The following TM2D1 variants were observed in gnomAD, a reference collection of about 807,000 sequenced individuals.
TM2D1 encodes TM2 domain-containing protein 1.
A neutral mutation model predicts 28.4 loss-of-function variants in TM2D1; 15 were observed. The observed-to-expected ratio is 0.53, with a 90% confidence interval of 0.35 to 0.81. The LOEUF is 0.81. Ranked by LOEUF, TM2D1 falls within the 40% of genes least tolerant of loss-of-function variation. The probability of loss-of-function intolerance (pLI) is 0.01; values close to 1 mark genes in which losing one functional copy is unlikely to be tolerated. For synonymous variants in TM2D1, 93 were observed against 96.2 expected, an observed-to-expected ratio of 0.97 and a Z score of 0.20; for missense variants, 236 against 254.9, an observed-to-expected ratio of 0.93 and a Z score of 0.50.
intron 2 of TM2D1, among the ~76,000 whole-genome samples, chr1:61,723,350 G>C (rs1213096507): frequency 6.6e-6 from 1 of 152,194 alleles, no homozygotes; most frequent in Admixed American, 6.6e-5. Context: ...TATAAGTGGA[G>C]AGCTAAAGGA....
intron 5 of TM2D1, among the ~76,000 whole-genome samples, chr1:61,685,600 A>C (rs1257059354): frequency 6.6e-6 from 1 of 152,228 alleles, no homozygotes; most frequent in Non-Finnish European, 1.5e-5. Flanking sequence ...ATTCCAGTGA[A>C]CTACACATGT....
intron 2 of TM2D1, among the ~76,000 whole-genome samples, chr1:61,718,727 C>T (rs536437657): frequency 3.9e-5 from 6 of 152,218 alleles, no homozygotes; most frequent in South Asian, 4.1e-4. Context: ...TACTTTACAG[C>T]GTGGAATGTA....
At chr1:61,694,141 T>G (rs1315220679) in intron 5 of TM2D1, 1 of 152,232 alleles carries the variant, frequency 6.6e-6, no homozygotes, top group Admixed American at 6.6e-5. Context: ...AACGCCCTTT[T>G]TTTTTTCTTT....
chr1:61,713,746 T>C (rs1188937692), intron 2 of TM2D1, among the ~76,000 whole-genome samples: 1 of 152,162 alleles, frequency 6.6e-6, no homozygotes, highest in African/African-American at 2.4e-5. Flanking sequence ...AAATCAGGTC[T>C]TAAAGAGACA....
chr1:61,690,110 C>T (rs898586125), intron 5 of TM2D1, among the ~76,000 whole-genome samples: 1 of 152,166 alleles, frequency 6.6e-6, no homozygotes, highest in African/African-American at 2.4e-5. Flanking sequence ...TGTCTTGATA[C>T]TGGACTTCCC....
At chr1:61,713,824 AATGCACTGTTTTTTTGAGATGAC>A (rs1156374623) in intron 2 of TM2D1, among the ~76,000 whole-genome samples, 1 of 152,100 alleles carries the variant, frequency 6.6e-6, no homozygotes, top group East Asian at 1.9e-4. Flanking sequence ...GCCTAACAGA[AATGCACTGTTTTTTTGAGATGAC>A]AGGTTTCTGT....
chr1:61,708,077 G>GT (rs1445697991), intron 3 of TM2D1, among the ~76,000 whole-genome samples: 1 of 152,094 alleles, frequency 6.6e-6, no homozygotes, highest in Non-Finnish European at 1.5e-5. Flanking sequence ...TTAATTTTAA[G>GT]TTTTTTAGAG....
chr1:61,723,662 G>A (rs1215102065), intron 2 of TM2D1, 51 bp downstream of exon 2: 1 of 1,001,216 alleles, frequency 1.0e-6, no homozygotes, highest in East Asian at 2.7e-5. Context: ...ATTGACCTAT[G>A]AAATAATGTT....
intron 4 of TM2D1, among the ~76,000 whole-genome samples, chr1:61,696,639 G>A (rs1484666680): frequency 1.1e-4 from 17 of 152,152 alleles, no homozygotes; most frequent in African/African-American, 4.1e-4. Context: ...TGAAGAATAG[G>A]TAATCACATC....
chr1:61,711,373 A>G (rs1644478210), intron 2 of TM2D1, among the ~76,000 whole-genome samples: 1 of 151,594 alleles, frequency 6.6e-6, no homozygotes, highest in Admixed American at 6.6e-5. Context: ...AGATGTGGAC[A>G]GAAGAGTGAC....
At chr1:61,691,932 A>ATAT (rs1553140879) in intron 5 of TM2D1, among the ~76,000 whole-genome samples, 4 of 76,414 alleles carry the variant, frequency 5.2e-5, no homozygotes, top group African/African-American at 9.5e-5. Context: ...AAAAAAAAAA[A>ATAT]ATATATATAT....
chr1:61,706,774 A>G (rs1019552079), intron 3 of TM2D1, among the ~76,000 whole-genome samples: 5 of 150,588 alleles, frequency 3.3e-5, no homozygotes, highest in Non-Finnish European at 7.4e-5. Flanking sequence ...GGTTGCAGTG[A>G]GCCAAGATCA....
chr1:61,713,944 G>A (rs1327499808), intron 2 of TM2D1, among the ~76,000 whole-genome samples: 1 of 141,894 alleles, frequency 7.0e-6, no homozygotes, highest in Admixed American at 7.1e-5. Context: ...GCCGGACTGC[G>A]GACTGCAGTG....
chr1:61,683,980 G>C (rs1053313353), intron 5 of TM2D1: 3 of 155,648 alleles, frequency 1.9e-5, no homozygotes, highest in Non-Finnish European at 4.2e-5. Flanking sequence ...GATCTGCTTG[G>C]TTTTTATGCG....
chr1:61,705,954 T>C (rs750119357), intron 3 of TM2D1, among the ~76,000 whole-genome samples: 1 of 152,204 alleles, frequency 6.6e-6, no homozygotes, highest in Non-Finnish European at 1.5e-5. Context: ...CTATTATATA[T>C]AGTTTGAAAA....
chr1:61,683,718 A>G, intron 5 of TM2D1, 172 bp from the exon 6 acceptor site: 2 of 410,718 alleles, frequency 4.9e-6, no homozygotes, highest in Non-Finnish European at 8.7e-6. Context: ...AACTACTGGG[A>G]TATACTGGGA....
At chr1:61,700,536 T>C (rs1343351488) in intron 4 of TM2D1, among the ~76,000 whole-genome samples, 1 of 152,146 alleles carries the variant, frequency 6.6e-6, no homozygotes, top group African/African-American at 2.4e-5. Context: ...AAGAAGTGCA[T>C]AGTTTCTAAT....
Position 61,713,444 on chromosome 1 carries a change from A to G in TM2D1, c.239-4007T>C, listed in dbSNP as rs1221979505. Among the ~76,000 whole-genome samples the G allele has an allele frequency of 2.1e-5, 3 of 140,248 alleles. No individual in the cohort carries two copies. The East Asian group carries it at 6.5e-4, about 31-fold the overall frequency. The allele number at this position is 140,248 out of a possible 152,430, so 92.0% of individuals were successfully genotyped here. On this transcript the variant is annotated intron_variant, in intron 2 of 6. Coordinates refer to ENST00000606498, the MANE Select transcript of TM2D1 (RefSeq NM_032027.3). ...AGTAAGCCACAATCATGCCACTTACACTCCAGCCTGGGTAAGAGGACAAGA... is the reference window on the plus strand; with the variant it reads ...AGTAAGCCACAATCATGCCACTTACGCTCCAGCCTGGGTAAGAGGACAAGA...
At chr1:61,689,206 G>A (rs1402177435) in intron 5 of TM2D1, among the ~76,000 whole-genome samples, 3 of 152,080 alleles carry the variant, frequency 2.0e-5, no homozygotes. Context: ...CAAACAAACT[G>A]GCTCACATAG....
Sources: gnomAD v4.1 joint callset for allele counts (sites outside exome capture counted in the v4.1 genomes callset) on GRCh38, gnomAD v4.1.1 for gene constraint, MANE v1.5 for transcripts, NCBI Gene and HGNC (gene_info 2026-07-23, HGNC 2026-07-21) for gene names.